The following GRM7 variants were observed in gnomAD, a reference collection of about 807,000 sequenced individuals.
GRM7 encodes the protein metabotropic glutamate receptor 7.
Under a neutral mutation model 84.5 loss-of-function variants are expected in GRM7, and 35 were observed. That is an observed-to-expected ratio of 0.41 (90% CI 0.32 to 0.55). The LOEUF (loss-of-function observed/expected upper bound fraction) is 0.55. Among genes scored for constraint, GRM7 ranks in the 20% least tolerant of loss-of-function variants. The pLI, the probability that GRM7 is intolerant of heterozygous loss-of-function variation, is 0.19. For synonymous variants in GRM7, 487 were observed against 455.1 expected (o/e 1.07, Z -0.89); for missense variants, 1,003 against 1,194.6 (o/e 0.84, Z 2.36).
intron 7 of GRM7, among the ~76,000 whole-genome samples, chr3:7,573,068 C>A (rs1204980413): frequency 6.6e-6 from 1 of 150,904 alleles, no homozygotes; most frequent in East Asian, 2.0e-4. Flanking sequence ...TTAAAAATGT[C>A]TTGAGGTGTT....
At chr3:7,433,186 A>T (rs762547727) in intron 5 of GRM7, among the ~76,000 whole-genome samples, 5 of 152,326 alleles carry the variant, frequency 3.3e-5, no homozygotes, top group Admixed American at 6.5e-5. Flanking sequence ...AATCATTTTT[A>T]TGTAGCCTGG....
At chr3:7,577,360 A>G (rs1312055009) in intron 7 of GRM7, among the ~76,000 whole-genome samples, 1 of 152,188 alleles carries the variant, frequency 6.6e-6, no homozygotes, top group Non-Finnish European at 1.5e-5. Context: ...TGCACTCTCA[A>G]TTTTGAGAAC....
intron 8 of GRM7, among the ~76,000 whole-genome samples, chr3:7,677,431 G>A (rs958434956): frequency 6.6e-6 from 1 of 152,088 alleles, no homozygotes; most frequent in Non-Finnish European, 1.5e-5. Context: ...CGAAGCTGAG[G>A]AGAAGTAATT....
chr3:6,895,115 G>C (rs916662982), intron 1 of GRM7, among the ~76,000 whole-genome samples: 1 of 152,130 alleles, frequency 6.6e-6, no homozygotes, highest in South Asian at 2.1e-4. Context: ...AGATGAACCA[G>C]GTCACAGCTA....
At chr3:7,058,917 A>G (rs1697329610) in intron 1 of GRM7, among the ~76,000 whole-genome samples, 6 of 151,922 alleles carry the variant, frequency 3.9e-5, no homozygotes, top group African/African-American at 2.4e-5. Flanking sequence ...ACATCTTCAA[A>G]TAAGGAAGAG....
intron 1 of GRM7, among the ~76,000 whole-genome samples, chr3:6,900,503 C>T (rs1277031479): frequency 2.0e-5 from 3 of 152,056 alleles, no homozygotes; most frequent in East Asian, 1.9e-4. Flanking sequence ...GGAAAGATAA[C>T]CTTTGCCCTG....
rs867679776 is a variant in GRM7, at chr3:6,926,782, G to A, written c.519+64875G>A. 2.9e-4 allele frequency among the ~76,000 whole-genome samples: 44 copies of A among 152,248 alleles called. 2 individuals are homozygous for A. In the South Asian group the frequency reaches 5.4e-3, roughly 19 times the overall value. Reference sequence around the variant, plus strand: ...GAACTATATGCAAGGGATAAACCAGGATTGATTTCATAAATCTCCTTTTGA... The same window carrying A: ...GAACTATATGCAAGGGATAAACCAGAATTGATTTCATAAATCTCCTTTTGA... On this transcript the variant is annotated intron_variant, in intron 1 of 9. Coordinates refer to ENST00000357716, the MANE Select transcript of GRM7 (RefSeq NM_000844.4).
intron 2 of GRM7, among the ~76,000 whole-genome samples, chr3:7,275,265 A>G (rs1042475067): frequency 5.3e-5 from 8 of 152,144 alleles, no homozygotes; most frequent in African/African-American, 1.7e-4. Context: ...TCCAACATCA[A>G]TGAAATACCT....
intron 7 of GRM7, among the ~76,000 whole-genome samples, chr3:7,483,603 A>G (rs1430856988): frequency 6.6e-6 from 1 of 152,176 alleles, no homozygotes; most frequent in Non-Finnish European, 1.5e-5. Flanking sequence ...TTAAAAGGAC[A>G]ATAGAAAGCC....
chr3:7,369,570 T>A (rs909628672), intron 4 of GRM7, among the ~76,000 whole-genome samples: 4 of 152,154 alleles, frequency 2.6e-5, no homozygotes, highest in African/African-American at 4.8e-5. Context: ...AGTTCTATTA[T>A]GAAAGAAGGG....
At chr3:7,666,131 G>A (rs1176797448) in intron 8 of GRM7, among the ~76,000 whole-genome samples, 2 of 152,142 alleles carry the variant, frequency 1.3e-5, no homozygotes, top group African/African-American at 4.8e-5. Context: ...CATCACGGAA[G>A]GAGAAAATTC....
At chr3:7,328,124 G>C (rs1470377953) in intron 4 of GRM7, among the ~76,000 whole-genome samples, 1 of 152,104 alleles carries the variant, frequency 6.6e-6, no homozygotes, top group African/African-American at 2.4e-5. Flanking sequence ...AGTGACTGCG[G>C]CTTATTTCAA....
chr3:7,317,357 G>A (rs1330457196), intron 4 of GRM7, among the ~76,000 whole-genome samples: 1 of 152,046 alleles, frequency 6.6e-6, no homozygotes, highest in Non-Finnish European at 1.5e-5. Context: ...GCCATTGTAA[G>A]TGACAAAAAG....
At chr3:7,229,759 A>ATATATATATTT (rs1434216248) in intron 2 of GRM7, among the ~76,000 whole-genome samples, 1 of 30,424 alleles carries the variant, frequency 3.3e-5, no homozygotes, top group African/African-American at 1.3e-4. Flanking sequence ...ATATATATAT[A>ATATATATATTT]TTTTTTTTTT....
At chr3:6,976,338 G>C (rs1693994887) in intron 1 of GRM7, among the ~76,000 whole-genome samples, 1 of 152,150 alleles carries the variant, frequency 6.6e-6, no homozygotes, top group South Asian at 2.1e-4. Flanking sequence ...AGTTCACTTA[G>C]AATATTTTAA....
intron 7 of GRM7, among the ~76,000 whole-genome samples, chr3:7,492,890 T>C (rs921038260): frequency 6.6e-6 from 1 of 152,124 alleles, no homozygotes; most frequent in Non-Finnish European, 1.5e-5. Context: ...TTGGTTTTCA[T>C]TCACTTCCAT....
chr3:6,958,829 A>G (rs183542751), intron 1 of GRM7, among the ~76,000 whole-genome samples: 21 of 152,300 alleles, frequency 1.4e-4, no homozygotes, highest in African/African-American at 4.8e-4. Context: ...CCAGGTACCA[A>G]GTTTCTCATA....
chr3:7,371,953 A>C (rs548837355), intron 4 of GRM7, among the ~76,000 whole-genome samples: 1 of 152,296 alleles, frequency 6.6e-6, no homozygotes, highest in Admixed American at 6.5e-5. Flanking sequence ...AGATAATCTT[A>C]AAGCAGTAAA....
At chr3:7,551,797 G>A (rs779703) in intron 7 of GRM7, among the ~76,000 whole-genome samples, 68,288 of 151,750 alleles carry the variant, frequency 0.45, 15,535 homozygotes, top group South Asian at 0.51. Flanking sequence ...TGGTAGGCTC[G>A]TGTATTAGTC....
Sources: allele counts gnomAD v4.1 joint callset (sites outside exome capture counted in the v4.1 genomes callset), GRCh38; gene constraint gnomAD v4.1.1; transcripts MANE v1.5; gene names NCBI Gene and HGNC (gene_info 2026-07-23, HGNC 2026-07-21).